DPP10: variants seen among roughly 807,000 people sequenced by gnomAD.
The protein encoded by DPP10 is inactive dipeptidyl peptidase 10.
A neutral mutation model predicts 120.9 loss-of-function variants in DPP10; 33 were observed. That is an observed-to-expected ratio of 0.27 (90% CI 0.21 to 0.37). The LOEUF is 0.37. DPP10 is among the 10% of genes least tolerant of loss of function. DPP10 has a pLI of 1.00. For synonymous variants in DPP10, 337 were observed against 326.1 expected (o/e 1.03, Z -0.36); for missense variants, 816 against 942.8 (o/e 0.87, Z 1.76).
intron 1 of DPP10, among the ~76,000 whole-genome samples, chr2:114,511,383 G>T (rs960342571): frequency 6.6e-6 from 1 of 152,200 alleles, no homozygotes; most frequent in Non-Finnish European, 1.5e-5. Context: ...GTCCTCCAGT[G>T]TTGTGCTAAA....
chr2:114,555,046 G>A (rs1688179537), intron 1 of DPP10, among the ~76,000 whole-genome samples: 1 of 152,190 alleles, frequency 6.6e-6, no homozygotes, highest in African/African-American at 2.4e-5. Flanking sequence ...AAATGCCAAA[G>A]TCAATTTAAG....
At chr2:114,535,899 A>G (rs1428902858) in intron 1 of DPP10, among the ~76,000 whole-genome samples, 1 of 152,166 alleles carries the variant, frequency 6.6e-6, no homozygotes, top group Non-Finnish European at 1.5e-5. Context: ...GCACTTCAGT[A>G]AGAACACATG....
chr2:115,326,301 A>T (rs207462197), intron 2 of DPP10, among the ~76,000 whole-genome samples: 16 of 152,092 alleles, frequency 1.1e-4, no homozygotes, highest in Non-Finnish European at 1.8e-4. Flanking sequence ...GTAAGGTCAT[A>T]GTAGCATGAT....
chr2:115,834,929 CAA>C (rs879412654), intron 21 of DPP10, among the ~76,000 whole-genome samples: 1 of 151,548 alleles, frequency 6.6e-6, no homozygotes, highest in Non-Finnish European at 1.5e-5. Context: ...ACTAAAAATA[CAA>C]AAAAAATTAG....
At chr2:115,624,828 A>G (rs1243101349) in intron 5 of DPP10, among the ~76,000 whole-genome samples, 1 of 152,204 alleles carries the variant, frequency 6.6e-6, no homozygotes, top group Non-Finnish European at 1.5e-5. Context: ...TGTCACAGTT[A>G]CCAGATGGAA....
chr2:114,895,942 T>C (rs949529593), intron 1 of DPP10, among the ~76,000 whole-genome samples: 1 of 152,222 alleles, frequency 6.6e-6, no homozygotes. Flanking sequence ...AGTTTCAGCT[T>C]TCTACATATG....
intron 1 of DPP10, among the ~76,000 whole-genome samples, chr2:114,923,568 A>G (rs991590558): frequency 1.1e-4 from 14 of 128,688 alleles, no homozygotes; most frequent in African/African-American, 3.6e-4. Context: ...AAGCTCTGCC[A>G]CCTGGGTTCA....
intron 1 of DPP10, among the ~76,000 whole-genome samples, chr2:115,158,818 T>C (rs559221723): frequency 2.8e-4 from 42 of 152,314 alleles, no homozygotes; most frequent in African/African-American, 1.0e-3. Flanking sequence ...TCTCTTTAAA[T>C]AGATTTTTGT....
At chr2:114,692,433 C>T (rs1011056512) in intron 1 of DPP10, among the ~76,000 whole-genome samples, 9 of 151,998 alleles carry the variant, frequency 5.9e-5, no homozygotes, top group African/African-American at 2.2e-4. Context: ...TTTGGTTGTG[C>T]TGCTGTCTAA....
At chr2:114,642,995 C>G (rs1408971608) in intron 1 of DPP10, among the ~76,000 whole-genome samples, 1 of 151,950 alleles carries the variant, frequency 6.6e-6, no homozygotes, top group Non-Finnish European at 1.5e-5. Context: ...TGTTCATACA[C>G]AAGCTATGAG....
intron 5 of DPP10, among the ~76,000 whole-genome samples, chr2:115,616,026 A>G (rs1281100756): frequency 1.3e-5 from 2 of 152,188 alleles, no homozygotes; most frequent in East Asian, 3.9e-4. Context: ...CTTAAATTCA[A>G]TGATTATGAT....
intron 1 of DPP10, among the ~76,000 whole-genome samples, chr2:114,670,184 G>T (rs1698224335): frequency 6.6e-6 from 1 of 152,084 alleles, no homozygotes; most frequent in African/African-American, 2.4e-5. Flanking sequence ...ATACCCAAAG[G>T]ACTATAAATC....
chr2:115,516,574 GTTTT>G (rs5833606), intron 4 of DPP10, among the ~76,000 whole-genome samples: 9 of 138,256 alleles, frequency 6.5e-5, no homozygotes, highest in Admixed American at 2.2e-4. Flanking sequence ...GTTATTCTTT[GTTTT>G]TTTTTTTTTT....
chr2:115,669,764 T>C (rs552940577), intron 5 of DPP10, among the ~76,000 whole-genome samples: 12 of 152,262 alleles, frequency 7.9e-5, no homozygotes, highest in African/African-American at 2.9e-4. Flanking sequence ...AGCCATTGTA[T>C]CAGTCATTGC....
At chr2:115,564,734 C>G (rs932488293) in intron 5 of DPP10, among the ~76,000 whole-genome samples, 1 of 152,134 alleles carries the variant, frequency 6.6e-6, no homozygotes, top group Non-Finnish European at 1.5e-5. Context: ...GGTAAAATGT[C>G]AATTTGAAGC....
intron 1 of DPP10, among the ~76,000 whole-genome samples, chr2:114,641,181 A>G (rs890506939): frequency 1.3e-5 from 2 of 152,014 alleles, no homozygotes; most frequent in Admixed American, 6.5e-5. Flanking sequence ...CTAAGTTCTT[A>G]TACTTAATAA....
chr2:114,650,329 C>T (rs1422921532), intron 1 of DPP10, among the ~76,000 whole-genome samples: 2 of 152,080 alleles, frequency 1.3e-5, no homozygotes, highest in Non-Finnish European at 2.9e-5. Flanking sequence ...GTTTTGATGC[C>T]TGAAGCATCC....
intron 5 of DPP10, among the ~76,000 whole-genome samples, chr2:115,594,364 G>C (rs1426949868): frequency 2.0e-5 from 3 of 152,090 alleles, no homozygotes. Context: ...TTGTTTACAA[G>C]AGTATATTTA....
chr2:115,531,968 G>A (rs2078495681), intron 5 of DPP10, among the ~76,000 whole-genome samples: 1 of 152,000 alleles, frequency 6.6e-6, no homozygotes, highest in African/African-American at 2.4e-5. Context: ...ATAACAGATT[G>A]TACATTCCCA....
Sources: allele counts gnomAD v4.1 joint callset (sites outside exome capture counted in the v4.1 genomes callset), GRCh38; gene constraint gnomAD v4.1.1; transcripts MANE v1.5; gene names NCBI Gene and HGNC (gene_info 2026-07-23, HGNC 2026-07-21).